SIM1: variants seen among roughly 807,000 people sequenced by gnomAD.
SIM1 encodes single-minded homolog 1.
In SIM1, 18 loss-of-function variants were observed where a neutral mutation model predicts 78.2. The ratio of observed to expected loss-of-function variants is 0.23; its 90% CI spans 0.16 to 0.34. The LOEUF (loss-of-function observed/expected upper bound fraction) is 0.34. SIM1 is among the 10% of genes least tolerant of loss of function. The pLI, the probability that SIM1 is intolerant of heterozygous loss-of-function variation, is 1.00. For synonymous variants in SIM1, 417 were observed against 385.2 expected (o/e 1.08, Z -0.97); for missense variants, 939 against 975.1 (o/e 0.96, Z 0.49).
intron 11 of SIM1, among the ~76,000 whole-genome samples, chr6:100,391,400 T>C (rs568490893): frequency 1.3e-5 from 2 of 152,338 alleles, no homozygotes; most frequent in South Asian, 2.1e-4. Context: ...TTTATACTTC[T>C]CCATGGATAT....
intron 2 of SIM1, among the ~76,000 whole-genome samples, chr6:100,454,840 A>G (rs770645516): frequency 3.9e-5 from 6 of 152,208 alleles, no homozygotes; most frequent in Non-Finnish European, 7.3e-5. Flanking sequence ...AAGAAGGCAA[A>G]AAAACTTTCG....
intron 2 of SIM1, among the ~76,000 whole-genome samples, chr6:100,455,955 T>A (rs1772641873): frequency 6.6e-6 from 1 of 152,176 alleles, no homozygotes; most frequent in Non-Finnish European, 1.5e-5. Context: ...CTCATTAGTA[T>A]GCGCCTACGA....
chr6:100,457,408 G>T (rs1203170310), intron 2 of SIM1, among the ~76,000 whole-genome samples: 1 of 152,162 alleles, frequency 6.6e-6, no homozygotes, highest in Non-Finnish European at 1.5e-5. Flanking sequence ...CTCCTAGGCC[G>T]AGGCCACTGC....
rs1770601755 is a variant in SIM1 at position 100,390,234 on chromosome 6, T to C, written c.*127A>G. The C allele has an allele frequency of 1.9e-6, 2 of 1,026,190 alleles. No homozygotes were observed. Among genetic ancestry groups the C allele is most frequent in the Middle Eastern group, 2.8e-4 (1 of 3,526 alleles). The allele number at this position is 1,026,190 out of a possible 1,614,324, so 63.6% of individuals were successfully genotyped here. On this transcript the variant is annotated 3_prime_UTR_variant, in exon 12 of 12. Transcript: ENST00000369208. Reference sequence around the variant, plus strand: ...TTTTCTTTGATTTTATAGGAACACGTATCAAATACCCAGTAACTTAAGTTA... The same window carrying C: ...TTTTCTTTGATTTTATAGGAACACGCATCAAATACCCAGTAACTTAAGTTA...
At chr6:100,418,416 C>A (rs1241374666) in intron 10 of SIM1, among the ~76,000 whole-genome samples, 1 of 146,992 alleles carries the variant, frequency 6.8e-6, no homozygotes, top group Non-Finnish European at 1.5e-5. Context: ...AGAAAATTTT[C>A]TACTTTCTAC....
At chr6:100,431,004 G>T (rs927919059) in intron 9 of SIM1, among the ~76,000 whole-genome samples, 8 of 152,100 alleles carry the variant, frequency 5.3e-5, no homozygotes, top group African/African-American at 1.7e-4. Context: ...GATCTCACGT[G>T]GGGAGACCCC....
chr6:100,418,260 C>T (rs1771458586), intron 10 of SIM1, among the ~76,000 whole-genome samples: 1 of 151,672 alleles, frequency 6.6e-6, no homozygotes, highest in Admixed American at 6.6e-5. Flanking sequence ...GCTGATACTA[C>T]AGGGAAGTAT....
rs961287423 is a variant in SIM1, at chr6:100,419,680, C to T, written c.1167+1110G>A. ...TTTTTTTGAGATAGAGTCTCACTGT[C>T]GCCCAGCCTGGAGTGCAATGGTGCG... On this transcript the variant is annotated intron_variant, in intron 10 of 11. Coordinates refer to ENST00000369208, the MANE Select transcript of SIM1 (RefSeq NM_005068.3). Among the ~76,000 whole-genome samples, 4 of 152,224 alleles carry T rather than the reference C, an allele frequency of 2.6e-5. No individual in the cohort carries two copies. The East Asian group carries it at 7.7e-4, about 29-fold the overall frequency.
intron 10 of SIM1, among the ~76,000 whole-genome samples, chr6:100,407,572 C>T (rs1393495465): frequency 6.6e-6 from 1 of 152,050 alleles, no homozygotes; most frequent in Non-Finnish European, 1.5e-5. Context: ...CCACTAACTG[C>T]CTGGGTTTCC....
chr6:100,399,218 A>G (rs1435176158), intron 10 of SIM1, among the ~76,000 whole-genome samples: 1 of 152,124 alleles, frequency 6.6e-6, no homozygotes, highest in African/African-American at 2.4e-5. Flanking sequence ...CCTTCAAAAG[A>G]TGAATGGTTA....
At chr6:100,459,902 A>G (rs1259908295) in intron 2 of SIM1, among the ~76,000 whole-genome samples, 1 of 152,232 alleles carries the variant, frequency 6.6e-6, no homozygotes, top group Non-Finnish European at 1.5e-5. Flanking sequence ...GCACACAAAT[A>G]AAGTCATGCT....
Position 100,463,324 on chromosome 6 carries a change from A to G in SIM1, c.145T>C (p.Tyr49His). ...KASIIRLTTSYLKMRVVFPEG... is the reference protein window; with the variant it reads ...KASIIRLTTSHLKMRVVFPEG... ...GGGAACACCACTCTCATTTTGAGAT[A>G]GCTGGTCGTGAGTCTGATTATGGAT... The change falls in exon 2 of 12, where the codon TAT becomes CAT. Residue 49 changes from tyrosine to histidine, a missense_variant. Tyr to His is a moderately conservative substitution (Grantham distance 83, BLOSUM62 2). Around this residue, in one of 5 missense-constraint regions of SIM1, gnomAD observed 121 missense variants for 124.6 expected, o/e 0.97. Transcript: ENST00000369208. 6.2e-7 allele frequency: 1 copy of G among 1,613,180 alleles called. No homozygotes were observed. The highest frequency in any genetic ancestry group is 1.3e-5 in the African/African-American group (1 of 75,026).
chr6:100,449,279 G>A, intron 6 of SIM1, 84 bp downstream of exon 6: 1 of 1,154,104 alleles, frequency 8.7e-7, no homozygotes, highest in South Asian at 1.3e-5. Context: ...TAGTCCCAGA[G>A]GTAGGGACAT....
chr6:100,411,737 T>C (rs1582618821), intron 10 of SIM1, among the ~76,000 whole-genome samples: 1 of 152,002 alleles, frequency 6.6e-6, no homozygotes, highest in Admixed American at 6.6e-5. Context: ...AGAGAGGAGA[T>C]ATGACATGTC....
intron 10 of SIM1, among the ~76,000 whole-genome samples, chr6:100,407,571 G>T (rs1463187279): frequency 6.6e-6 from 1 of 151,872 alleles, no homozygotes; most frequent in African/African-American, 2.4e-5. Context: ...TCCACTAACT[G>T]CCTGGGTTTC....
In SIM1 at chr6:100,448,176, T is replaced by A. The variant is rs1277906167; in HGVS notation, c.820A>T (p.Thr274Ser). 3 of 1,613,720 alleles carry A rather than the reference T, an allele frequency of 1.9e-6. No homozygotes were observed. In the East Asian group the frequency reaches 6.7e-5, roughly 36 times the overall value. The change falls in exon 8 of 12, where the codon ACC (threonine) becomes TCC (serine). Residue 274 changes from threonine (T) to serine (S), a missense_variant. Physicochemically the swap from Thr to Ser is moderately conservative, Grantham distance 58. This residue lies in a region of SIM1 where 66 missense variants were observed against 108.4 expected (regional missense o/e 0.61). Transcript: ENST00000369208. ...TLYHHVHGCD[T>S]FHLRCAHHLL... Reference sequence around the variant, plus strand: ...TGGTGCGCGCAGCGCAGGTGGAAGGTGTCGCAGCCGTGCACATGGTGGTAC... The same window carrying A: ...TGGTGCGCGCAGCGCAGGTGGAAGGAGTCGCAGCCGTGCACATGGTGGTAC...
At position 100,412,585 on chromosome 6, in the gene SIM1, AAG is replaced by A. The variant is rs750009212; in HGVS notation, c.1167+8203_1167+8204del. The stretch of plus-strand genomic sequence containing the variant: ...AAAGAAAGAAAGAAAGAAAGAAAGA[AAG>A]AAAGAAAGAAAGAAAGAAAGAAAGG... On this transcript the variant is annotated intron_variant, in intron 10 of 11. Coordinates refer to ENST00000369208, the MANE Select transcript of SIM1 (RefSeq NM_005068.3). 1.8e-3 allele frequency among the ~76,000 whole-genome samples: 209 copies of A among 118,152 alleles called. 12 individuals carry two copies. Among genetic ancestry groups the A allele is most frequent in the Middle Eastern group, 4.1e-3 (1 of 246 alleles). 77.5% of individuals were successfully genotyped at this position (118,152 alleles called of 152,430 possible). A position where few individuals can be genotyped will look rare whatever the true frequency, so the allele number is the denominator to read the frequency against.
At chr6:100,462,609 C>T (rs546490292) in intron 2 of SIM1, 3 of 152,278 alleles carry the variant, frequency 2.0e-5, no homozygotes, top group Admixed American at 1.3e-4. Flanking sequence ...ATTTTCTAAG[C>T]GGGCTAGCCA....
chr6:100,435,271 C>T (rs1277758904), intron 9 of SIM1, among the ~76,000 whole-genome samples: 1 of 152,178 alleles, frequency 6.6e-6, no homozygotes, highest in Non-Finnish European at 1.5e-5. Flanking sequence ...TAGGTGGAAT[C>T]ATATGAAATT....
Sources: gnomAD v4.1 joint callset for allele counts (sites outside exome capture counted in the v4.1 genomes callset) on GRCh38, gnomAD v4.1.1 for gene constraint, gnomAD v4.1.1 regional missense constraint, MANE v1.5 for transcripts, NCBI Gene and HGNC (gene_info 2026-07-23, HGNC 2026-07-21) for gene names.